The following LEF1 variants were observed in gnomAD, a reference collection of about 807,000 sequenced individuals.
LEF1 encodes lymphoid enhancer-binding factor 1.
Under a neutral mutation model 51.2 loss-of-function variants are expected in LEF1, and 14 were observed. The ratio of observed to expected loss-of-function variants is 0.27; its 90% confidence interval spans 0.18 to 0.43. LEF1 has a LOEUF of 0.43. LEF1 is among the 20% of genes least tolerant of loss of function. The pLI is 1.00. For missense variants in LEF1, 386 were observed against 512.0 expected, an observed-to-expected ratio of 0.75 and a Z score of 2.37; for synonymous variants, 185 against 183.2, an observed-to-expected ratio of 1.01 and a Z score of -0.08.
At chr4:108,056,480 G>A (rs540029858) in intron 11 of LEF1, among the ~76,000 whole-genome samples, 31 of 152,208 alleles carry the variant, frequency 2.0e-4, no homozygotes, top group Non-Finnish European at 4.0e-4. Context: ...TGCACCTAGG[G>A]ATCCTGGAAC....
At chr4:108,061,401 T>C (rs968716514) in intron 11 of LEF1, among the ~76,000 whole-genome samples, 4 of 152,136 alleles carry the variant, frequency 2.6e-5, no homozygotes, top group Admixed American at 6.5e-5. Context: ...TAAAATACCA[T>C]AGGATGCTCA....
intron 3 of LEF1, among the ~76,000 whole-genome samples, chr4:108,158,044 C>T (rs1183943766): frequency 1.3e-5 from 2 of 152,046 alleles, no homozygotes; most frequent in African/African-American, 4.8e-5. Context: ...CTCCCAACTC[C>T]CCCCACCTCC....
rs57523476 is a variant in LEF1, at chr4:108,089,089, C to CA, written c.547+35dup. On this transcript the variant is annotated intron_variant, in intron 4 of 11. Coordinates refer to ENST00000265165, the MANE Select transcript of LEF1 (RefSeq NM_016269.5). Reference sequence around the variant, plus strand: ...TGATGAGATTTGGCTCTTCATTTGGCAAAAAAAAAGGGCCTGGAAAGACAG... The same window carrying CA: ...TGATGAGATTTGGCTCTTCATTTGGCAAAAAAAAAAGGGCCTGGAAAGACAG... 16,955 of 1,576,938 alleles carry CA rather than the reference C, an allele frequency of 0.011. 1,124 individuals are homozygous for CA. The African/African-American group carries it at 0.19, about 17-fold the overall frequency.
intron 4 of LEF1, among the ~76,000 whole-genome samples, chr4:108,086,178 AAG>A (rs1739634364): frequency 6.6e-6 from 1 of 152,248 alleles, no homozygotes; most frequent in Non-Finnish European, 1.5e-5. Context: ...AGATTCTCAG[AAG>A]TGTGTGTCTC....
At chr4:108,081,369 G>C (rs1007603364) in intron 6 of LEF1, among the ~76,000 whole-genome samples, 2 of 152,026 alleles carry the variant, frequency 1.3e-5, no homozygotes, top group African/African-American at 4.8e-5. Flanking sequence ...TGAGTCCATC[G>C]CCCGATGGTG....
chr4:108,135,871 G>T (rs59490899), intron 3 of LEF1, among the ~76,000 whole-genome samples: 2,806 of 152,204 alleles, frequency 0.018, 78 homozygotes, highest in African/African-American at 0.064. Flanking sequence ...CTGGCTCCAA[G>T]AACTTTTTCT....
intron 11 of LEF1, among the ~76,000 whole-genome samples, chr4:108,062,545 A>G (rs1385602969): frequency 2.0e-5 from 3 of 152,180 alleles, no homozygotes; most frequent in Admixed American, 1.3e-4. Flanking sequence ...AGACCCACAC[A>G]CTCAGTGGCG....
intron 3 of LEF1, among the ~76,000 whole-genome samples, chr4:108,130,287 G>C (rs1041278123): frequency 2.2e-4 from 33 of 152,266 alleles, no homozygotes; most frequent in African/African-American, 7.2e-4. Context: ...ACCATTAAGA[G>C]TTTGACAGAT....
chr4:108,100,595 C>T (rs951473455), intron 3 of LEF1, among the ~76,000 whole-genome samples: 6 of 152,080 alleles, frequency 3.9e-5, no homozygotes, highest in Admixed American at 6.5e-5. Context: ...GTATCTTTCC[C>T]GAGAGCAATC....
intron 11 of LEF1, among the ~76,000 whole-genome samples, chr4:108,054,402 G>A (rs1462806766): frequency 1.3e-5 from 2 of 152,170 alleles, no homozygotes; most frequent in Non-Finnish European, 2.9e-5. Context: ...CTCTGCAGAC[G>A]CAGCGCTGCT....
At chr4:108,124,657 C>G (rs977171312) in intron 3 of LEF1, among the ~76,000 whole-genome samples, 1 of 152,102 alleles carries the variant, frequency 6.6e-6, no homozygotes, top group Non-Finnish European at 1.5e-5. Context: ...CATGAGTCAC[C>G]GCGCCCGGAA....
chr4:108,099,500 G>A (rs923503323), intron 3 of LEF1, among the ~76,000 whole-genome samples: 4 of 137,244 alleles, frequency 2.9e-5, no homozygotes, highest in Non-Finnish European at 3.1e-5. Flanking sequence ...ACACATGTAT[G>A]TATATATATA....
chr4:108,131,347 C>T (rs1578379448), intron 3 of LEF1, among the ~76,000 whole-genome samples: 1 of 150,802 alleles, frequency 6.6e-6, no homozygotes, highest in East Asian at 2.0e-4. Flanking sequence ...GGTGGCACTG[C>T]ACTCCAGCCT....
chr4:108,075,413 C>T (rs1041597684), intron 8 of LEF1: 1 of 152,144 alleles, frequency 6.6e-6, no homozygotes, highest in Admixed American at 6.5e-5. Context: ...ACACATGATC[C>T]TCTATGTTTC....
Position 108,053,892 on chromosome 4 carries a change from C to T in LEF1, c.*7-5141G>A, listed in dbSNP as rs141205404. Among the ~76,000 whole-genome samples, 18 of 152,340 alleles carry T rather than the reference C, an allele frequency of 1.2e-4. No homozygotes were observed. The East Asian group carries it at 3.5e-3, about 29-fold the overall frequency. ...TAGGTAGACCTCCCTCATCTACTCA[C>T]CTCCAAACGCTATCCAATCCACATT... is the stretch of plus-strand genomic sequence containing the variant. On this transcript the variant is annotated intron_variant, in intron 11 of 11. Transcript: ENST00000265165.
intron 3 of LEF1, among the ~76,000 whole-genome samples, chr4:108,117,652 T>TC (rs886094779): frequency 5.3e-5 from 8 of 152,168 alleles, no homozygotes; most frequent in Non-Finnish European, 1.2e-4. Flanking sequence ...GTCTGACCTT[T>TC]CCCAGGGCTT....
intron 3 of LEF1, among the ~76,000 whole-genome samples, chr4:108,105,255 A>G (rs955783011): frequency 1.4e-5 from 2 of 146,292 alleles, no homozygotes; most frequent in Admixed American, 1.4e-4. Context: ...ATCTTGGCTC[A>G]CCACAACCTC....
chr4:108,054,173 C>A (rs1004492287), intron 11 of LEF1, among the ~76,000 whole-genome samples: 1 of 152,170 alleles, frequency 6.6e-6, no homozygotes, highest in Non-Finnish European at 1.5e-5. Flanking sequence ...CATCGGTTAC[C>A]ACCTGGAAAT....
At chr4:108,161,092 C>CTA (rs1745026293) in intron 3 of LEF1, among the ~76,000 whole-genome samples, 3 of 152,214 alleles carry the variant, frequency 2.0e-5, no homozygotes, top group Admixed American at 2.0e-4. Context: ...GTGACACAAA[C>CTA]ACTCAGCCCT....
Sources: allele counts gnomAD v4.1 joint callset (sites outside exome capture counted in the v4.1 genomes callset), GRCh38; gene constraint gnomAD v4.1.1; transcripts MANE v1.5; gene names NCBI Gene and HGNC (gene_info 2026-07-23, HGNC 2026-07-21).